Variants in BLTP3A observed in about 807,000 individuals in gnomAD.
The protein encoded by BLTP3A is ICBP90 binding protein 1.
the BLTP3A span, chr6:34,823,172 C>T: frequency 8.6e-6 from 10 of 1,166,006 alleles, no homozygotes; most frequent in Admixed American, 3.4e-5. Context: ...CTCTGGAGCA[C>T]GGAGATGAAT....
chr6:34,858,516 C>T, the BLTP3A span: 1 of 1,614,076 alleles, frequency 6.2e-7, no homozygotes. Context: ...ATTTTGTAGC[C>T]CCCTTCCCCC....
At chr6:34,859,029 C>T in the BLTP3A span, 11 of 1,614,146 alleles carry the variant, frequency 6.8e-6, no homozygotes, top group African/African-American at 6.7e-5. Context: ...CCGGTGCTGT[C>T]GATGCTGACT....
the BLTP3A span, among the ~76,000 whole-genome samples, chr6:34,810,080 T>C: frequency 6.6e-6 from 1 of 152,256 alleles, no homozygotes; most frequent in South Asian, 2.1e-4. Context: ...GTTTACAAGA[T>C]GAATCAGGTT....
the BLTP3A span, among the ~76,000 whole-genome samples, chr6:34,811,551 G>A: frequency 6.6e-6 from 1 of 151,900 alleles, no homozygotes; most frequent in Non-Finnish European, 1.5e-5. Flanking sequence ...AATATATTGA[G>A]ACTATCTCTA....
At chr6:34,807,067 G>A in the BLTP3A span, among the ~76,000 whole-genome samples, 21 of 152,140 alleles carry the variant, frequency 1.4e-4, no homozygotes, top group African/African-American at 3.9e-4. Context: ...GTAATCTAGA[G>A]CCTGCATGTA....
At chr6:34,792,125 A>ATGGCGG in the BLTP3A span, 1 of 664,600 alleles carries the variant, frequency 1.5e-6, no homozygotes, top group Non-Finnish European at 2.0e-6. Flanking sequence ...AGAAAGCGCC[A>ATGGCGG]TGGCGGCGGC....
chr6:34,828,737 A>G, the BLTP3A span, among the ~76,000 whole-genome samples: 1 of 151,924 alleles, frequency 6.6e-6, no homozygotes, highest in Non-Finnish European at 1.5e-5. Flanking sequence ...CAAGAAAACC[A>G]AAGAAGCTGG....
chr6:34,822,845 G>A, the BLTP3A span, among the ~76,000 whole-genome samples: 2 of 147,868 alleles, frequency 1.4e-5, no homozygotes, highest in Admixed American at 1.4e-4. Flanking sequence ...GTAAGACTCT[G>A]TTTCGGGAAA....
At chr6:34,863,978 GT>G in the BLTP3A span, 1 of 1,477,960 alleles carries the variant, frequency 6.8e-7, no homozygotes, top group Non-Finnish European at 9.2e-7. Flanking sequence ...CACATTTGTG[GT>G]TTTTGTTTTT....
At chr6:34,865,084 G>A in the BLTP3A span, among the ~76,000 whole-genome samples, 1 of 152,010 alleles carries the variant, frequency 6.6e-6, no homozygotes, top group Non-Finnish European at 1.5e-5. Context: ...ATACAGTGTG[G>A]GATTTTTGAG....
chr6:34,863,617 G>C, the BLTP3A span, among the ~76,000 whole-genome samples: 1 of 152,126 alleles, frequency 6.6e-6, no homozygotes, highest in Non-Finnish European at 1.5e-5. Context: ...CTAGTGCCTA[G>C]TATGGTGCCT....
chr6:34,854,903 C>CT, the BLTP3A span, among the ~76,000 whole-genome samples: 2 of 152,138 alleles, frequency 1.3e-5, no homozygotes, highest in Non-Finnish European at 1.5e-5. Context: ...ACAATACACA[C>CT]ATGCAGAGGA....
the BLTP3A span, among the ~76,000 whole-genome samples, chr6:34,868,354 C>T: frequency 6.6e-6 from 1 of 151,746 alleles, no homozygotes; most frequent in African/African-American, 2.4e-5. Context: ...CATGGTGGCT[C>T]ATGCCTGTAA....
chr6:34,859,061 G>T, the BLTP3A span: 3 of 1,614,212 alleles, frequency 1.9e-6, no homozygotes, highest in Non-Finnish European at 2.5e-6. Context: ...GATAGCACTA[G>T]CCTCGTAGAT....
chr6:34,796,790 GC>G, the BLTP3A span, among the ~76,000 whole-genome samples: 4 of 151,966 alleles, frequency 2.6e-5, no homozygotes, highest in East Asian at 7.7e-4. Context: ...TGCAACCTCT[GC>G]CCCCCCGAGT....
chr6:34,858,188 C>T, the BLTP3A span: 4 of 1,614,140 alleles, frequency 2.5e-6, no homozygotes, highest in Non-Finnish European at 3.4e-6. Flanking sequence ...CTTGTCTTCT[C>T]TGCGTCAGGC....
chr6:34,838,876 A>G, the BLTP3A span, among the ~76,000 whole-genome samples: 1 of 152,194 alleles, frequency 6.6e-6, no homozygotes, highest in Non-Finnish European at 1.5e-5. Context: ...GGTTGCTCTG[A>G]GCCAAGATTG....
At chr6:34,856,963 T>A in the BLTP3A span, 10 of 1,598,498 alleles carry the variant, frequency 6.3e-6, no homozygotes, top group East Asian at 1.6e-4. Flanking sequence ...TGGAAAGAGG[T>A]GGAGCAGTTT....
At chr6:34,866,835 A>C in the BLTP3A span, among the ~76,000 whole-genome samples, 3 of 152,152 alleles carry the variant, frequency 2.0e-5, no homozygotes, top group Non-Finnish European at 4.4e-5. Context: ...ATCATGCAGT[A>C]TTTGTCCTTT....
Sources: gnomAD v4.1 joint callset for allele counts (sites outside exome capture counted in the v4.1 genomes callset) on GRCh38, gnomAD v4.1.1 for gene constraint, MANE v1.5 for transcripts, NCBI Gene and HGNC (gene_info 2026-07-23, HGNC 2026-07-21) for gene names.